HDAC4: variants seen among roughly 807,000 people sequenced by gnomAD.
The protein encoded by HDAC4 is histone deacetylase 4.
HDAC4 carries 16 observed loss-of-function variants against 135.1 expected under a neutral mutation model. That is an observed-to-expected ratio of 0.12 (90% confidence interval 0.08 to 0.18). The LOEUF is 0.18. Ranked by LOEUF, HDAC4 falls within the 10% of genes least tolerant of loss-of-function variation. The probability of loss-of-function intolerance (pLI) is 1.00; values close to 1 mark genes in which losing one functional copy is unlikely to be tolerated. For missense variants in HDAC4, 1,143 were observed against 1,511.8 expected, an observed-to-expected ratio of 0.76 and a Z score of 4.05; for synonymous variants, 685 against 653.4, an observed-to-expected ratio of 1.05 and a Z score of -0.74.
At chr2:239,195,109 G>A (rs1242635676) in intron 3 of HDAC4, among the ~76,000 whole-genome samples, 1 of 152,178 alleles carries the variant, frequency 6.6e-6, no homozygotes, top group Non-Finnish European at 1.5e-5. Context: ...CTGGGGAGTC[G>A]GGCTCACCAA....
intron 6 of HDAC4, 24 bp from the exon 7 acceptor site, chr2:239,156,797 G>A (rs1464164684): frequency 6.2e-7 from 1 of 1,613,826 alleles, no homozygotes; most frequent in Non-Finnish European, 8.5e-7. Context: ...AAAGACAGAT[G>A]GTTTAGTTTA....
chr2:239,287,522 G>T (rs113383567), intron 2 of HDAC4, among the ~76,000 whole-genome samples: 106 of 152,304 alleles, frequency 7.0e-4, no homozygotes, highest in African/African-American at 2.5e-3. Context: ...AAAACTTGTT[G>T]TATGCACCCA....
At chr2:239,170,979 C>T (rs149133723) in intron 5 of HDAC4, among the ~76,000 whole-genome samples, 395 of 152,304 alleles carry the variant, frequency 2.6e-3, no homozygotes, top group Non-Finnish European at 4.9e-3. Context: ...AAACCCAACT[C>T]AGAATCAGCT....
At chr2:239,275,955 T>C (rs1362071926) in intron 2 of HDAC4, among the ~76,000 whole-genome samples, 1 of 152,036 alleles carries the variant, frequency 6.6e-6, no homozygotes, top group African/African-American at 2.4e-5. Context: ...CTTAAAAGGA[T>C]GGGCGGGAAG....
At chr2:239,261,180 G>A (rs747759924) in intron 2 of HDAC4, among the ~76,000 whole-genome samples, 3 of 152,174 alleles carry the variant, frequency 2.0e-5, no homozygotes. Context: ...ATAAGACTGA[G>A]CCCAGCTGGC....
upstream of HDAC4, chr2:239,401,455 G>C (rs1334242783): frequency 6.1e-6 from 1 of 162,616 alleles, no homozygotes; most frequent in East Asian, 1.9e-4. Flanking sequence ...AGGAGGCGCA[G>C]GGACCGGGGG....
intron 3 of HDAC4, among the ~76,000 whole-genome samples, chr2:239,220,774 T>C (rs532616137): frequency 2.0e-5 from 3 of 152,320 alleles, no homozygotes; most frequent in Non-Finnish European, 4.4e-5. Flanking sequence ...GGATAACAGA[T>C]GGGAAACGAG....
At chr2:239,162,487 C>G (rs903342085) in intron 6 of HDAC4, 10 of 382,348 alleles carry the variant, frequency 2.6e-5, no homozygotes, top group Non-Finnish European at 4.2e-5. Flanking sequence ...TCTCCACAAC[C>G]AGTCCAGGCA....
chr2:239,374,384 G>GGC lies in HDAC4; in HGVS notation c.-219-21468_-219-21467dup, dbSNP rs1396350938. Among the ~76,000 whole-genome samples the GGC allele has an allele frequency of 2.6e-3, 297 of 112,686 alleles. 4 individuals carry two copies. Among genetic ancestry groups the GGC allele is most frequent in the African/African-American group, 9.2e-3 (279 of 30,326 alleles). 73.9% of individuals were successfully genotyped at this position (112,686 alleles called of 152,430 possible). A position where few individuals can be genotyped will look rare whatever the true frequency, so the allele number is the denominator to read the frequency against. On this transcript the variant is annotated intron_variant, in intron 1 of 26. Transcript: ENST00000543185. ...ACCACCCCAGATGAATAGAAAACAAGGCTTTTTTTTTTTTTTTTTTTTTTT... is the reference window on the plus strand; with the variant it reads ...ACCACCCCAGATGAATAGAAAACAAGGCGCTTTTTTTTTTTTTTTTTTTTTTT...
chr2:239,333,413 A>T (rs1167238722), intron 2 of HDAC4, among the ~76,000 whole-genome samples: 2 of 152,198 alleles, frequency 1.3e-5, no homozygotes, highest in African/African-American at 4.8e-5. Context: ...TTCATATTTT[A>T]AGAGATTAGT....
intron 3 of HDAC4, among the ~76,000 whole-genome samples, chr2:239,208,992 T>C (rs1024558153): frequency 6.6e-6 from 1 of 152,230 alleles, no homozygotes; most frequent in Non-Finnish European, 1.5e-5. Context: ...TCCTCCCACC[T>C]TAGCCCCTCA....
chr2:239,395,221 C>G (rs1353056365), intron 1 of HDAC4, among the ~76,000 whole-genome samples: 1 of 152,202 alleles, frequency 6.6e-6, no homozygotes, highest in African/African-American at 2.4e-5. Context: ...GCTGGTAAAA[C>G]AGAGGCCAGG....
chr2:239,099,538 A>G (rs1403757781), intron 16 of HDAC4, among the ~76,000 whole-genome samples: 2 of 152,192 alleles, frequency 1.3e-5, no homozygotes, highest in Non-Finnish European at 2.9e-5. Context: ...GTTTCCTGGT[A>G]AGGACTGGAG....
chr2:239,125,194 G>T (rs578207769), intron 12 of HDAC4, among the ~76,000 whole-genome samples: 1 of 152,240 alleles, frequency 6.6e-6, no homozygotes, highest in Non-Finnish European at 1.5e-5. Context: ...GGCAGGAGGT[G>T]GCTGGATCAT....
At chr2:239,348,150 G>A (rs1291224157) in intron 2 of HDAC4, among the ~76,000 whole-genome samples, 4 of 149,908 alleles carry the variant, frequency 2.7e-5, no homozygotes, top group Admixed American at 6.7e-5. Context: ...GCAAATCCAC[G>A]TCCCAGCAAA....
intron 2 of HDAC4, 102 bp from the exon 3 acceptor site, chr2:239,236,766 G>C (rs532581565): frequency 2.5e-6 from 2 of 812,354 alleles, no homozygotes; most frequent in East Asian, 2.7e-5. Context: ...ACAATGAAAT[G>C]CATGTGTCCT....
intron 2 of HDAC4, among the ~76,000 whole-genome samples, chr2:239,310,235 G>A (rs938571781): frequency 6.6e-6 from 1 of 152,224 alleles, no homozygotes; most frequent in Non-Finnish European, 1.5e-5. Context: ...AACGTGATTA[G>A]TAGAAAAACC....
intron 1 of HDAC4, among the ~76,000 whole-genome samples, chr2:239,396,892 T>C (rs1258065572): frequency 6.6e-6 from 1 of 152,256 alleles, no homozygotes; most frequent in East Asian, 1.9e-4. Flanking sequence ...TGAAGTGGAC[T>C]TGGAGCATTA....
intron 2 of HDAC4, among the ~76,000 whole-genome samples, chr2:239,342,595 C>T (rs1235877543): frequency 6.6e-6 from 1 of 152,180 alleles, no homozygotes; most frequent in African/African-American, 2.4e-5. Context: ...TGACAGTCAT[C>T]CTGAACACTG....
Sources: allele counts gnomAD v4.1 joint callset (sites outside exome capture counted in the v4.1 genomes callset), GRCh38; gene constraint gnomAD v4.1.1; transcripts MANE v1.5; gene names NCBI Gene and HGNC (gene_info 2026-07-23, HGNC 2026-07-21).